The following FCHSD1 variants were observed in gnomAD, a reference collection of about 807,000 sequenced individuals.
The protein encoded by FCHSD1 is FCH and double SH3 domains 1, also known as F-BAR and double SH3 domains protein 1.
FCHSD1 carries 109 observed loss-of-function variants against 101.3 expected under a neutral mutation model. The observed-to-expected ratio is 1.08, with a 90% CI of 0.92 to 1.26. The LOEUF (loss-of-function observed/expected upper bound fraction) is 1.26, where lower values mean the gene tolerates loss of function less well. Ranked by LOEUF, FCHSD1 falls within the 50% of genes most tolerant of loss-of-function variation. FCHSD1 has a pLI of 0.00. For missense variants in FCHSD1, 820 were observed against 895.8 expected (o/e 0.92, Z 1.08); for synonymous variants, 291 against 356.8 (o/e 0.82, Z 2.08).
chr5:141,651,156 G>C, intron 1 of FCHSD1, 39 bp from the exon 2 acceptor site: 1 of 1,530,230 alleles, frequency 6.5e-7, no homozygotes, highest in Non-Finnish European at 8.9e-7. Context: ...CCAGCGCAAG[G>C]ACCTAAAAAA....
chr5:141,645,041 T>C lies in FCHSD1; in HGVS notation c.1419A>G (p.Ala473=). 1.2e-6 allele frequency: 2 copies of C among 1,608,274 alleles called. No homozygotes were observed. Among genetic ancestry groups the C allele is most frequent in the South Asian group, 2.2e-5 (2 of 90,250 alleles). Residue 473 remains alanine (A), a synonymous_variant, in exon 14 of 20, where the codon GCA becomes GCG. Coordinates refer to ENST00000435817, the MANE Select transcript of FCHSD1 (RefSeq NM_033449.3). ...ALATRALPCP[A]HVVFRYQAGR... is the part of the protein sequence containing the mutation. ...ATACCTGATAGCGAAATACCACGTG[T>C]GCAGGGCAGGGGAGGGCCCTCGTGG...
intron 2 of FCHSD1, 137 bp downstream of exon 2, chr5:141,650,883 G>T: frequency 2.5e-6 from 2 of 793,766 alleles, no homozygotes; most frequent in Non-Finnish European, 4.2e-6. Context: ...GGAGAGGCCA[G>T]GCCTAGGGTG....
chr5:141,643,024 G>T lies in FCHSD1; in HGVS notation c.1928C>A (p.Pro643His), dbSNP rs1394060616. 6.4e-6 allele frequency: 10 copies of T among 1,565,058 alleles called. No individual in the cohort carries two copies. Among genetic ancestry groups the T allele is most frequent in the East Asian group, 2.4e-5 (1 of 41,406 alleles). Residue 643 changes from proline (P) to histidine (H), a missense_variant, in exon 18 of 20, where the codon CCC becomes CAC. Physicochemically the swap from Pro to His is moderately conservative, Grantham distance 77. Coordinates refer to ENST00000435817, the MANE Select transcript of FCHSD1 (RefSeq NM_033449.3). Reference sequence around the variant, plus strand: ...ACCCCCAGGCAGGACAGGTGCAGGGGGCCCATCCAACACAGAGGTAGGTGC... The same window carrying T: ...ACCCCCAGGCAGGACAGGTGCAGGGTGCCCATCCAACACAGAGGTAGGTGC... ...PPAPTSVLDG[P>H]PAPVLPGDKA...
rs749748663 is a variant in FCHSD1, at chr5:141,647,147, T to C, written c.912A>G (p.Ala304=). ...SPTPPQQFQP[A]GTDQVCVLEW... is the part of the protein sequence containing the mutation. ...AGGAAGATCTCACCTGATCAGTCCCTGCTGGCTGAAACTGCTGAGGTGGGG... is the reference window on the plus strand; with the variant it reads ...AGGAAGATCTCACCTGATCAGTCCCCGCTGGCTGAAACTGCTGAGGTGGGG... Residue 304 remains alanine (A), a synonymous_variant, in exon 10 of 20, where the codon GCA becomes GCG. Transcript: ENST00000435817. The C allele has an allele frequency of 1.2e-5, 19 of 1,607,430 alleles. 1 individual carries two copies. In the South Asian group the frequency reaches 2.1e-4, roughly 18 times the overall value.
In FCHSD1 at chr5:141,649,487, C is replaced by T; in HGVS notation, c.283G>A (p.Ala95Thr). 6.2e-7 allele frequency: 1 copy of T among 1,613,796 alleles called. No homozygotes were observed. The highest frequency in any genetic ancestry group is 8.5e-7 in the Non-Finnish European group (1 of 1,179,884). The part of the protein sequence containing the change: ...AWRCLLDATV[A>T]GGQTRLQASD... ...GCCTGGAGTCGGGTTTGGCCCCCAG[C>T]CACGGTGGCATCCAGCAGGCAGCGC... is the stretch of plus-strand genomic sequence containing the variant. The change falls in exon 5 of 20, where the codon GCT (alanine) becomes ACT (threonine). Residue 95 changes from alanine (A) to threonine (T), a missense_variant. Transcript: ENST00000435817. This position sits in a 1 kb window ranked among gnomAD's most constrained non-coding sequence, Gnocchi z 4.1.
At chr5:141,646,027 G>T in intron 12 of FCHSD1, 60 bp downstream of exon 12, 1 of 1,554,204 alleles carries the variant, frequency 6.4e-7, no homozygotes, top group South Asian at 1.2e-5. Flanking sequence ...AGAAAGAGGA[G>T]TAGAGGGAGT....
intron 3 of FCHSD1, 41 bp downstream of exon 3, chr5:141,650,318 A>G: frequency 3.7e-6 from 6 of 1,612,720 alleles, no homozygotes; most frequent in Non-Finnish European, 5.1e-6. Flanking sequence ...GATATAAGAG[A>G]GGCTGGAACA....
rs201843663 is a variant in FCHSD1, at chr5:141,648,010, G to T, written c.663C>A (p.His221Gln). The T allele has an allele frequency of 3.1e-4, 507 of 1,613,436 alleles. No homozygotes were observed. The highest frequency in any genetic ancestry group is 3.9e-4 in the Non-Finnish European group (463 of 1,179,658). ...GTTCCTCCTGGTAGTAATGGTCGAG[G>T]TGGGCATTGGTAGCCACCAAGTTAA... ...YLLNLVATNA[H>Q]LDHYYQEELP... Residue 221 changes from histidine to glutamine, a missense_variant, in exon 8 of 20, where the codon CAC becomes CAA. Coordinates refer to ENST00000435817, the MANE Select transcript of FCHSD1 (RefSeq NM_033449.3).
chr5:141,639,920 G>A lies in FCHSD1; in HGVS notation c.*1578C>T. On this transcript the variant is annotated 3_prime_UTR_variant, in exon 20 of 20. Transcript: ENST00000435817. This position sits in a 1 kb window ranked among gnomAD's most constrained non-coding sequence, Gnocchi z 4.4. ...ACCCCAGTGTTCCCTCCCCTCCCAG[G>A]TTCCGGGTGACACACATTGAGAAGC... 1 of 1,613,910 alleles carries A rather than the reference G, an allele frequency of 6.2e-7. No individual in the cohort carries two copies. Among genetic ancestry groups the A allele is most frequent in the Non-Finnish European group, 8.5e-7 (1 of 1,179,992 alleles).
chr5:141,640,467 A>G lies in FCHSD1; in HGVS notation c.*1031T>C, dbSNP rs778425892. ...TGAGGTGAGTCTGCCTGAGCCCTAA[A>G]TGAGGTAATCTCATCTTCCCATCAC... is the stretch of plus-strand genomic sequence containing the variant. On this transcript the variant is annotated 3_prime_UTR_variant, in exon 20 of 20. Transcript: ENST00000435817. 9 of 1,614,118 alleles carry G rather than the reference A, an allele frequency of 5.6e-6. No individual in the cohort carries two copies. Among genetic ancestry groups the G allele is most frequent in the Non-Finnish European group, 6.8e-6 (8 of 1,179,998 alleles).
intron 10 of FCHSD1, 66 bp downstream of exon 10, chr5:141,647,069 T>C (rs751736435): frequency 7.1e-7 from 1 of 1,410,906 alleles, no homozygotes; most frequent in Non-Finnish European, 9.7e-7. Context: ...ACAAAGATAA[T>C]GGAGGAGGCC....
chr5:141,645,407 T>A lies in FCHSD1; in HGVS notation c.1312-259A>T, dbSNP rs75791926. ...ATATTGTCTCATTTAATCTTCATAATGACCCAGTGTTAATAGTTTTGCACA... is the reference window on the plus strand; with the variant it reads ...ATATTGTCTCATTTAATCTTCATAAAGACCCAGTGTTAATAGTTTTGCACA... On this transcript the variant is annotated intron_variant, in intron 13 of 19. Transcript: ENST00000435817. Among the ~76,000 whole-genome samples the A allele has an allele frequency of 1.1e-3, 175 of 152,360 alleles. 2 individuals carry two copies. In the East Asian group the frequency reaches 0.031, roughly 27 times the overall value.
chr5:141,647,250 A>T lies in FCHSD1; in HGVS notation c.829-20T>A. The T allele has an allele frequency of 6.3e-7, 1 of 1,591,910 alleles. No homozygotes were observed. Among genetic ancestry groups the T allele is most frequent in the South Asian group, 1.1e-5 (1 of 87,698 alleles). ...GCTTACCTAGGGGTTGGGAAAAGTC[A>T]AAGTCACTCATTCACTGACTCACTC... On this transcript the variant is annotated intron_variant, in intron 9 of 19. Coordinates refer to ENST00000435817, the MANE Select transcript of FCHSD1 (RefSeq NM_033449.3).
At position 141,641,581 on chromosome 5, in the gene FCHSD1, T is replaced by C; in HGVS notation, c.2008-18A>G. 1 of 1,578,096 alleles carries C rather than the reference T, an allele frequency of 6.3e-7. No homozygotes were observed. The highest frequency in any genetic ancestry group is 8.6e-7 in the Non-Finnish European group (1 of 1,159,932). ...GGACGCATCTGTAGGGAACACACAG[T>C]TAGTGCTCCAGAGTTCTCCCTTAAG... On this transcript the variant is annotated intron_variant, in intron 19 of 19. Transcript: ENST00000435817.
In FCHSD1 at chr5:141,649,347, C is replaced by T; in HGVS notation, c.376-39G>A. ...TACACAAAGTCCTTACCTAGACCACCTTTGGTCCCAAGCCAGCTCTTCCTT... is the reference window on the plus strand; with the variant it reads ...TACACAAAGTCCTTACCTAGACCACTTTTGGTCCCAAGCCAGCTCTTCCTT... On this transcript the variant is annotated intron_variant, in intron 5 of 19. Coordinates refer to ENST00000435817, the MANE Select transcript of FCHSD1 (RefSeq NM_033449.3). The surrounding 1 kb of genome is among the most constrained non-coding windows in gnomAD (Gnocchi z 4.1). The T allele has an allele frequency of 6.2e-7, 1 of 1,613,930 alleles. No homozygotes were observed. The highest frequency in any genetic ancestry group is 8.5e-7 in the Non-Finnish European group (1 of 1,179,798).
rs2099906743 is a variant in FCHSD1 at position 141,640,578 on chromosome 5, G to T, written c.*920C>A. ...CCTTTGCTATAAATCCCTTGGTTTG[G>T]TGGTGGAGGTAGGGAAGGTCCTGGA... On this transcript the variant is annotated 3_prime_UTR_variant, in exon 20 of 20. Transcript: ENST00000435817. 11 of 1,553,110 alleles carry T rather than the reference G, an allele frequency of 7.1e-6. No individual in the cohort carries two copies. The South Asian group carries it at 1.3e-4, about 18-fold the overall frequency.
At position 141,644,568 on chromosome 5, in the gene FCHSD1, C is replaced by G; in HGVS notation, c.1642+5G>C. 6.2e-7 allele frequency: 1 copy of G among 1,613,746 alleles called. No individual in the cohort carries two copies. The highest frequency in any genetic ancestry group is 1.3e-5 in the African/African-American group (1 of 75,040). ...GTCCTCTAACCCAAAATTTCCCTTT[C>G]TTACCTGTGGGCTCTGCCCCGCAGG... is the stretch of plus-strand genomic sequence containing the variant. On this transcript the variant is annotated splice_donor_5th_base_variant and intron_variant, in intron 16 of 19. Coordinates refer to ENST00000435817, the MANE Select transcript of FCHSD1 (RefSeq NM_033449.3).
rs766775767 is a variant in FCHSD1, at chr5:141,644,686, C to T, written c.1529G>A (p.Arg510Gln). ...AAAGCCTACCTCGCCGTGCTGGTTCCGAGCCTGCTCACCCAGCAATGTGAA... is the reference window on the plus strand; with the variant it reads ...AAAGCCTACCTCGCCGTGCTGGTTCTGAGCCTGCTCACCCAGCAATGTGAA... ...EGDADEWVKA[R>Q]NQHGEVGFVP... Residue 510 changes from arginine (R) to glutamine (Q), a missense_variant, in exon 16 of 20, where the codon CGG becomes CAG. Transcript: ENST00000435817. 1.3e-5 allele frequency: 21 copies of T among 1,613,898 alleles called. No homozygotes were observed. The highest frequency in any genetic ancestry group is 9.9e-5 in the South Asian group (9 of 91,086).
At position 141,640,320 on chromosome 5, in the gene FCHSD1, A is replaced by C. The variant is rs1480554790; in HGVS notation, c.*1178T>G. 3 of 1,613,954 alleles carry C rather than the reference A, an allele frequency of 1.9e-6. No homozygotes were observed. Reference sequence around the variant, plus strand: ...GGTAGGAAAACACAGCCGGGACTGCACTGGGCTGGGCTCTTATTGCTCTCT... The same window carrying C: ...GGTAGGAAAACACAGCCGGGACTGCCCTGGGCTGGGCTCTTATTGCTCTCT... On this transcript the variant is annotated 3_prime_UTR_variant, in exon 20 of 20. Coordinates refer to ENST00000435817, the MANE Select transcript of FCHSD1 (RefSeq NM_033449.3).
Sources: allele counts gnomAD v4.1 joint callset (sites outside exome capture counted in the v4.1 genomes callset), GRCh38; gene constraint gnomAD v4.1.1; non-coding constraint Gnocchi (gnomAD v3.1); transcripts MANE v1.5; gene names NCBI Gene and HGNC (gene_info 2026-07-23, HGNC 2026-07-21).